SPATA13: variants seen among roughly 807,000 people sequenced by gnomAD.
SPATA13 encodes spermatogenesis associated 13.
SPATA13 carries 50 observed loss-of-function variants against 104.0 expected under a neutral mutation model. The ratio of observed to expected loss-of-function variants is 0.48; its 90% confidence interval spans 0.38 to 0.61. The LOEUF (loss-of-function observed/expected upper bound fraction) is 0.61. Ranked by LOEUF, SPATA13 falls within the 20% of genes least tolerant of loss-of-function variation. The pLI, the probability that SPATA13 is intolerant of heterozygous loss-of-function variation, is 0.00. For missense variants in SPATA13, 1,524 were observed against 1,690.6 expected (o/e 0.90, Z 1.73); for synonymous variants, 606 against 667.5 (o/e 0.91, Z 1.42).
chr13:24,209,779 C>T (rs1166584886), intron 1 of SPATA13, among the ~76,000 whole-genome samples: 1 of 151,980 alleles, frequency 6.6e-6, no homozygotes, highest in Non-Finnish European at 1.5e-5. Context: ...TGGATATATA[C>T]CCAGTATTGG....
intron 1 of SPATA13, among the ~76,000 whole-genome samples, chr13:24,210,729 C>T (rs1191838747): frequency 5.0e-5 from 7 of 140,990 alleles, no homozygotes; most frequent in Admixed American, 7.0e-5. Flanking sequence ...TTGCTTTGTC[C>T]GTCTGGAATC....
At chr13:24,063,585 G>A in intron 3 of SPATA13, among the ~76,000 whole-genome samples, 1 of 152,012 alleles carries the variant, frequency 6.6e-6, no homozygotes, top group Non-Finnish European at 1.5e-5. Context: ...GTTCCTCCAT[G>A]TCCTTGCTGA....
At chr13:24,060,217 A>T (rs113546035) in intron 3 of SPATA13, among the ~76,000 whole-genome samples, 26,233 of 152,188 alleles carry the variant, frequency 0.17, 2,355 homozygotes, top group Non-Finnish European at 0.19. Context: ...ACAGCATGGT[A>T]CTGGTACAAA....
chr13:24,083,519 C>A (rs1335405842), intron 3 of SPATA13, among the ~76,000 whole-genome samples: 1 of 152,218 alleles, frequency 6.6e-6, no homozygotes, highest in Non-Finnish European at 1.5e-5. Flanking sequence ...ATGGCTAGCT[C>A]TCTGTGGAGT....
intron 3 of SPATA13, among the ~76,000 whole-genome samples, chr13:24,066,777 T>C (rs1425370268): frequency 6.6e-6 from 1 of 151,260 alleles, no homozygotes; most frequent in East Asian, 2.0e-4. Context: ...CAGGCTCAGG[T>C]TGACAATGCC....
At chr13:24,043,932 A>AC (rs1555256625) in intron 3 of SPATA13, among the ~76,000 whole-genome samples, 1 of 152,196 alleles carries the variant, frequency 6.6e-6, no homozygotes, top group Non-Finnish European at 1.5e-5. Flanking sequence ...AACCTTGGGA[A>AC]GTGGGGTTAG....
At chr13:24,238,182 A>ACTC (rs1872668644) in intron 2 of SPATA13, among the ~76,000 whole-genome samples, 1 of 133,022 alleles carries the variant, frequency 7.5e-6, no homozygotes, top group South Asian at 2.3e-4. Context: ...TATCTCCCAG[A>ACTC]CTCTTGCTCT....
rs1871686086 is a variant in SPATA13 at position 24,222,979 on chromosome 13, C to A, written c.50C>A (p.Thr17Asn). 11 of 1,551,280 alleles carry A rather than the reference C, an allele frequency of 7.1e-6. No individual in the cohort carries two copies. The East Asian group carries it at 2.4e-4, about 34-fold the overall frequency. ...RPWAPCLENM[T>N]TAPNGLGPGP... ...TGGGCACCCTGCCTGGAGAACATGA[C>A]CACTGCCCCAAACGGCCTCGGGCCA... The change falls in exon 2 of 13, where the codon ACC becomes AAC. Residue 17 changes from threonine (T) to asparagine (N), a missense_variant. Physicochemically the swap from Thr to Asn is moderately conservative, Grantham distance 65. This residue lies in a region of SPATA13 where 1,089 missense variants were observed against 1,135.9 expected (regional missense o/e 0.96). Coordinates refer to ENST00000382108, the MANE Select transcript of SPATA13 (RefSeq NM_001166271.3).
intron 8 of SPATA13, among the ~76,000 whole-genome samples, chr13:24,289,710 A>G (rs1394036800): frequency 6.6e-6 from 1 of 152,226 alleles, no homozygotes; most frequent in Non-Finnish European, 1.5e-5. Context: ...GTGATACTGT[A>G]ACTGCCTCAG....
intron 3 of SPATA13, among the ~76,000 whole-genome samples, chr13:24,137,737 A>G (rs969191524): frequency 6.6e-6 from 1 of 152,146 alleles, no homozygotes; most frequent in African/African-American, 2.4e-5. Context: ...CCAGCCTGGG[A>G]GTGACTTCAA....
At chr13:24,094,985 G>T (rs551997359) in intron 3 of SPATA13, among the ~76,000 whole-genome samples, 41 of 152,298 alleles carry the variant, frequency 2.7e-4, no homozygotes, top group African/African-American at 9.9e-4. Context: ...TAGCCACTAT[G>T]TAAAACATGG....
intron 2 of SPATA13, among the ~76,000 whole-genome samples, chr13:24,005,607 CAG>C (rs1876185932): frequency 1.3e-5 from 2 of 150,258 alleles, no homozygotes; most frequent in Non-Finnish European, 3.0e-5. Flanking sequence ...GGTGTGGGGA[CAG>C]GGGGTGGGAG....
chr13:24,196,443 A>C (rs544449507), intron 1 of SPATA13, among the ~76,000 whole-genome samples: 1 of 152,210 alleles, frequency 6.6e-6, no homozygotes, highest in African/African-American at 2.4e-5. Flanking sequence ...ACCTTTCCAC[A>C]GTGTACTAGA....
chr13:24,080,775 G>A (rs1006413518), intron 3 of SPATA13, among the ~76,000 whole-genome samples: 5 of 152,122 alleles, frequency 3.3e-5, no homozygotes, highest in African/African-American at 1.2e-4. Context: ...AACGTCCATC[G>A]CACATGTTAA....
intron 3 of SPATA13, among the ~76,000 whole-genome samples, chr13:24,060,464 C>G (rs888747326): frequency 6.6e-6 from 1 of 152,118 alleles, no homozygotes; most frequent in South Asian, 2.1e-4. Context: ...ATGTAAAACC[C>G]AAAGCTATCT....
rs558723587 is a variant in SPATA13, at chr13:24,017,231, G to A, written c.-146-436G>A. Among the ~76,000 whole-genome samples the A allele has an allele frequency of 4.4e-4, 67 of 152,222 alleles. 1 individual carries two copies. Among genetic ancestry groups the A allele is most frequent in the Non-Finnish European group, 8.2e-4 (56 of 68,036 alleles). ...CACGTGCCAGGCACTGCTCTGAGAC[G>A]ATAACTCAGTTAATGCTCACAATTC... On this transcript the variant is annotated intron_variant, in intron 2 of 14. Coordinates refer to the SPATA13 transcript ENST00000424834.
At chr13:24,004,037 T>A (rs868295274) in intron 2 of SPATA13, among the ~76,000 whole-genome samples, 5 of 152,174 alleles carry the variant, frequency 3.3e-5, no homozygotes, top group Admixed American at 1.3e-4. Context: ...TTGACTCTTG[T>A]CTCCTTGCAT....
At chr13:23,980,282 G>A (rs567551899) in intron 1 of SPATA13, among the ~76,000 whole-genome samples, 1 of 152,360 alleles carries the variant, frequency 6.6e-6, no homozygotes, top group South Asian at 2.1e-4. Flanking sequence ...AAGCCAGCCT[G>A]GCGGTCGCGT....
intron 1 of SPATA13, among the ~76,000 whole-genome samples, chr13:24,215,316 G>T (rs576398530): frequency 6.6e-6 from 1 of 152,328 alleles, no homozygotes; most frequent in South Asian, 2.1e-4. Flanking sequence ...TAAATTAGAA[G>T]CAGAAGGCAT....
Sources: allele counts gnomAD v4.1 joint callset (sites outside exome capture counted in the v4.1 genomes callset), GRCh38; gene constraint gnomAD v4.1.1; regional missense constraint gnomAD v4.1.1; transcripts MANE v1.5; gene names NCBI Gene and HGNC (gene_info 2026-07-23, HGNC 2026-07-21).